The following PHGDH variants were observed in gnomAD, a reference collection of about 807,000 sequenced individuals.
The protein encoded by PHGDH is D-3-phosphoglycerate dehydrogenase.
A neutral mutation model predicts 52.6 loss-of-function variants in PHGDH; 50 were observed. That is an observed-to-expected ratio of 0.95 (90% CI 0.76 to 1.20). The LOEUF (loss-of-function observed/expected upper bound fraction) is 1.20, where lower values mean the gene tolerates loss of function less well. PHGDH is among the 50% of genes most tolerant of loss of function. The pLI is 0.00. For synonymous variants in PHGDH, 271 were observed against 280.5 expected (o/e 0.97, Z 0.34); for missense variants, 630 against 684.6 (o/e 0.92, Z 0.89).
chr1:119,735,466 G>C, intron 7 of PHGDH, 23 bp downstream of exon 7: 2 of 1,607,888 alleles, frequency 1.2e-6, no homozygotes, highest in African/African-American at 1.3e-5. Flanking sequence ...CAGCCTCAGC[G>C]TCAGGAGGAC....
At chr1:119,725,416 G>C (rs752158824) in intron 3 of PHGDH, among the ~76,000 whole-genome samples, 4 of 152,222 alleles carry the variant, frequency 2.6e-5, no homozygotes, top group Non-Finnish European at 4.4e-5. Context: ...AGAGGGGCCA[G>C]GTGGGGCTCT....
Position 119,712,210 on chromosome 1 carries a change from A to T in PHGDH, c.138+50A>T, listed in dbSNP as rs587709994. 88 of 1,573,838 alleles carry T rather than the reference A, an allele frequency of 5.6e-5. No homozygotes were observed. In the Admixed American group the frequency reaches 1.5e-3, roughly 27 times the overall value. On this transcript the variant is annotated intron_variant, in intron 1 of 11. Coordinates refer to ENST00000641023, the MANE Select transcript of PHGDH (RefSeq NM_006623.4). ...GGTCTCTAGGGCAACCTCCATGGAA[A>T]AAGGCTGGCTGCGCCCAGGCCAGCG...
chr1:119,732,605 C>T (rs1270633555), intron 5 of PHGDH, among the ~76,000 whole-genome samples: 1 of 152,190 alleles, frequency 6.6e-6, no homozygotes, highest in Non-Finnish European at 1.5e-5. Flanking sequence ...CTGGTTATCT[C>T]AAATGGAAAA....
chr1:119,738,987 G>T (rs1480344518), intron 8 of PHGDH, among the ~76,000 whole-genome samples: 1 of 152,238 alleles, frequency 6.6e-6, no homozygotes, highest in African/African-American at 2.4e-5. Context: ...AATAGTCTTA[G>T]AGTAGCCATT....
At position 119,727,017 on chromosome 1, in the gene PHGDH, A is replaced by G. The variant is rs1359277346; in HGVS notation, c.425A>G (p.Glu142Gly). The G allele has an allele frequency of 6.2e-7, 1 of 1,613,506 alleles. No homozygotes were observed. Among genetic ancestry groups the G allele is most frequent in the Non-Finnish European group, 8.5e-7 (1 of 1,179,492 alleles). ...GTTTGGTTGCAGTTCATGGGAACAG[A>G]GCTGAATGGAAAGACCCTGGGAATT... Reference protein sequence around the residue: ...KWERKKFMGTELNGKTLGILG... With the variant: ...KWERKKFMGTGLNGKTLGILG... Residue 142 changes from glutamate (E) to glycine (G), a missense_variant, in exon 5 of 12, where the codon GAG becomes GGG. Glu to Gly is a moderately conservative substitution (Grantham distance 98). Coordinates refer to ENST00000641023, the MANE Select transcript of PHGDH (RefSeq NM_006623.4).
chr1:119,727,019 C>T lies in PHGDH; in HGVS notation c.427C>T (p.Leu143=), dbSNP rs143155925. ...WERKKFMGTE[L]NGKTLGILGL... Reference sequence around the variant, plus strand: ...TTGGTTGCAGTTCATGGGAACAGAGCTGAATGGAAAGACCCTGGGAATTCT... The same window carrying T: ...TTGGTTGCAGTTCATGGGAACAGAGTTGAATGGAAAGACCCTGGGAATTCT... The change falls in exon 5 of 12, where the codon CTG becomes TTG. Residue 143 remains leucine (L), a synonymous_variant. Coordinates refer to ENST00000641023, the MANE Select transcript of PHGDH (RefSeq NM_006623.4). 32 of 1,613,286 alleles carry T rather than the reference C, an allele frequency of 2.0e-5. No individual in the cohort carries two copies. The highest frequency in any genetic ancestry group is 2.7e-5 in the Non-Finnish European group (32 of 1,179,304).
At chr1:119,742,470 G>A (rs754596450) in intron 10 of PHGDH, 92 of 486,464 alleles carry the variant, frequency 1.9e-4, no homozygotes, top group Admixed American at 1.6e-3. Flanking sequence ...CACTGATGCC[G>A]TGCAGGAGGC....
chr1:119,736,771 T>C (rs992821837), intron 7 of PHGDH, among the ~76,000 whole-genome samples: 1 of 152,148 alleles, frequency 6.6e-6, no homozygotes, highest in Non-Finnish European at 1.5e-5. Flanking sequence ...ATGTTAAAGG[T>C]GCATAATCCC....
At position 119,744,203 on chromosome 1, in the gene PHGDH, A is replaced by C; in HGVS notation, c.*163A>C. On this transcript the variant is annotated 3_prime_UTR_variant, in exon 12 of 12. Transcript: ENST00000641023. Reference sequence around the variant, plus strand: ...GTACAGCAATAACCGTCTAATAAAGAGCCTACCCCCAACTCCTTCTGCACT... The same window carrying C: ...GTACAGCAATAACCGTCTAATAAAGCGCCTACCCCCAACTCCTTCTGCACT... 1 of 706,814 alleles carries C rather than the reference A, an allele frequency of 1.4e-6. No homozygotes were observed. Among genetic ancestry groups the C allele is most frequent in the East Asian group, 2.6e-5 (1 of 38,832 alleles). 43.8% of individuals were successfully genotyped at this position (706,814 alleles called of 1,614,324 possible).
chr1:119,734,937 G>A (rs750698346), intron 6 of PHGDH, 171 bp downstream of exon 6: 4 of 746,506 alleles, frequency 5.4e-6, no homozygotes, highest in African/African-American at 1.7e-5. Flanking sequence ...GATAGGGGAG[G>A]GTGAGCCAGC....
At chr1:119,727,416 A>G (rs1651479869) in intron 5 of PHGDH, 1 of 429,934 alleles carries the variant, frequency 2.3e-6, no homozygotes, top group African/African-American at 2.0e-5. Context: ...AATTTAAACA[A>G]GAGACACGGT....
intron 10 of PHGDH, 116 bp from the exon 11 acceptor site, chr1:119,742,691 G>A: frequency 1.4e-6 from 1 of 736,740 alleles, no homozygotes; most frequent in Non-Finnish European, 2.5e-6. Flanking sequence ...CTGAATTACT[G>A]AGCACATTAT....
intron 6 of PHGDH, 168 bp downstream of exon 6, chr1:119,734,934 G>T: frequency 1.3e-6 from 1 of 761,682 alleles, no homozygotes; most frequent in South Asian, 1.6e-5. Context: ...TTGGATAGGG[G>T]AGGGTGAGCC....
rs1441210407 is a variant in PHGDH, at chr1:119,741,894, C to T, written c.1206C>T (p.Leu402=). 4.3e-6 allele frequency: 7 copies of T among 1,613,520 alleles called. No homozygotes were observed. The East Asian group carries it at 8.9e-5, about 21-fold the overall frequency. ...NAKLLVKEAG[L]NVTTSHSPAA... is the part of the protein sequence containing the mutation. ...AGCTGCTGGTGAAAGAGGCTGGCCT[C>T]AATGTGCGCCCCTCTCCCCCACGCT... The change falls in exon 10 of 12, where the codon CTC becomes CTT. Residue 402 remains leucine, a synonymous_variant. Coordinates refer to ENST00000641023, the MANE Select transcript of PHGDH (RefSeq NM_006623.4).
At chr1:119,721,788 GA>G in intron 2 of PHGDH, 1 of 158,672 alleles carries the variant, frequency 6.3e-6, no homozygotes, top group Admixed American at 6.0e-5. Context: ...GCAGACTAAT[GA>G]CTAGAATCCT....
intron 5 of PHGDH, among the ~76,000 whole-genome samples, chr1:119,732,607 A>G (rs984574967): frequency 6.6e-6 from 1 of 152,120 alleles, no homozygotes; most frequent in African/African-American, 2.4e-5. Context: ...GGTTATCTCA[A>G]ATGGAAAATG....
At chr1:119,740,327 T>C (rs1652138165) in intron 8 of PHGDH, 59 bp from the exon 9 acceptor site, 3 of 1,604,450 alleles carry the variant, frequency 1.9e-6, no homozygotes, top group Non-Finnish European at 2.6e-6. Flanking sequence ...AGCCAGATCT[T>C]GATTCAGGAT....
chr1:119,740,431 C>T lies in PHGDH; in HGVS notation c.991C>T (p.Pro331Ser), dbSNP rs370562656. 1.2e-6 allele frequency: 2 copies of T among 1,613,648 alleles called. No homozygotes were observed. The highest frequency in any genetic ancestry group is 1.3e-5 in the African/African-American group (1 of 75,022). Residue 331 changes from proline (P) to serine (S), a missense_variant, in exon 9 of 12, where the codon CCT becomes TCT. Transcript: ENST00000641023. Reference sequence around the variant, plus strand: ...CAGTGCCTTCTCTCCACACACCAAGCCTTGGATTGGTCTGGCAGAAGCTCT... The same window carrying T: ...CAGTGCCTTCTCTCCACACACCAAGTCTTGGATTGGTCTGGCAGAAGCTCT... Reference protein sequence around the residue: ...LTSAFSPHTKPWIGLAEALGT... With the variant: ...LTSAFSPHTKSWIGLAEALGT...
chr1:119,743,357 C>CT (rs1367731985), intron 11 of PHGDH, among the ~76,000 whole-genome samples: 12 of 152,328 alleles, frequency 7.9e-5, no homozygotes, highest in Admixed American at 7.8e-4. Context: ...GGAGCCATAG[C>CT]CCAGGAGCTC....
Sources: gnomAD v4.1 joint callset for allele counts (sites outside exome capture counted in the v4.1 genomes callset) on GRCh38, gnomAD v4.1.1 for gene constraint, MANE v1.5 for transcripts, NCBI Gene and HGNC (gene_info 2026-07-23, HGNC 2026-07-21) for gene names.